The following CD226 variants were observed in gnomAD, a reference collection of about 807,000 sequenced individuals.
CD226 encodes the protein CD226 molecule.
CD226 carries 24 observed loss-of-function variants against 34.9 expected under a neutral mutation model. The observed-to-expected ratio is 0.69, with a 90% CI of 0.50 to 0.97. The LOEUF is 0.97. Ranked by LOEUF, CD226 falls within the 50% of genes least tolerant of loss-of-function variation. CD226 has a pLI of 0.00. For missense variants in CD226, 397 were observed against 412.7 expected, an observed-to-expected ratio of 0.96 and a Z score of 0.33; for synonymous variants, 148 against 147.4, an observed-to-expected ratio of 1.00 and a Z score of -0.03.
chr18:69,913,360 A>G (rs1424253767), intron 2 of CD226, among the ~76,000 whole-genome samples: 15 of 152,234 alleles, frequency 9.9e-5, no homozygotes, highest in Non-Finnish European at 2.9e-5. Flanking sequence ...TGTTATTGTC[A>G]CAGAGCACAG....
At chr18:69,888,202 T>C (rs1043442312) in intron 3 of CD226, among the ~76,000 whole-genome samples, 2 of 152,226 alleles carry the variant, frequency 1.3e-5, no homozygotes, top group Admixed American at 1.3e-4. Context: ...TAAGTAATTT[T>C]CTACTTGCTT....
intron 2 of CD226, among the ~76,000 whole-genome samples, chr18:69,937,177 T>C (rs184785028): frequency 7.5e-4 from 114 of 152,354 alleles, no homozygotes; most frequent in African/African-American, 2.5e-3. Context: ...AAGCCATGAA[T>C]TGTAAACCGG....
At chr18:69,903,028 G>T (rs2055207213) in intron 2 of CD226, among the ~76,000 whole-genome samples, 1 of 152,064 alleles carries the variant, frequency 6.6e-6, no homozygotes, top group African/African-American at 2.4e-5. Context: ...TCAAAAATAA[G>T]CAAGCAAAAG....
intron 2 of CD226, among the ~76,000 whole-genome samples, chr18:69,942,184 C>T (rs75123292): frequency 5.4e-4 from 83 of 152,336 alleles, no homozygotes; most frequent in Admixed American, 1.1e-3. Context: ...AGTATTTCTT[C>T]ACAGCAGTGT....
intron 4 of CD226, among the ~76,000 whole-genome samples, chr18:69,870,905 C>G (rs1215473892): frequency 6.6e-6 from 1 of 152,166 alleles, no homozygotes; most frequent in Non-Finnish European, 1.5e-5. Context: ...GAAGTAACAA[C>G]CACAAACTGA....
chr18:69,926,513 G>C (rs2055523821), intron 2 of CD226, among the ~76,000 whole-genome samples: 1 of 152,110 alleles, frequency 6.6e-6, no homozygotes, highest in South Asian at 2.1e-4. Context: ...ATAGGGAGGA[G>C]GGCAGGAGCT....
At chr18:69,945,996 C>A (rs2055784651) in intron 2 of CD226, among the ~76,000 whole-genome samples, 1 of 151,586 alleles carries the variant, frequency 6.6e-6, no homozygotes, top group Non-Finnish European at 1.5e-5. Flanking sequence ...GATTCAATTA[C>A]CTCCCACCAG....
intron 2 of CD226, among the ~76,000 whole-genome samples, chr18:69,897,878 ATGT>A (rs77712014): frequency 0.082 from 12,429 of 152,192 alleles, 705 homozygotes; most frequent in Non-Finnish European, 0.13. Flanking sequence ...ATGTGTCAAA[ATGT>A]TGTAAAAAGA....
chr18:69,878,171 T>C (rs1225527827), intron 3 of CD226, among the ~76,000 whole-genome samples: 2 of 152,238 alleles, frequency 1.3e-5, no homozygotes, highest in Non-Finnish European at 2.9e-5. Context: ...AGGAAGCCCT[T>C]TTCTTTAAAA....
At chr18:69,868,801 A>ACG (rs200490155) in intron 4 of CD226, among the ~76,000 whole-genome samples, 9 of 64,662 alleles carry the variant, frequency 1.4e-4, no homozygotes, top group Non-Finnish European at 1.9e-4. Context: ...GTGCGCGTGC[A>ACG]CGCACACACA....
chr18:69,958,567 A>G (rs2055913994), upstream of CD226, among the ~76,000 whole-genome samples: 1 of 152,146 alleles, frequency 6.6e-6, no homozygotes. Context: ...AGTGAACCTC[A>G]CACATCGGCT....
intron 2 of CD226, among the ~76,000 whole-genome samples, chr18:69,917,352 C>G (rs1871889656): frequency 6.6e-6 from 1 of 152,164 alleles, no homozygotes; most frequent in African/African-American, 2.4e-5. Context: ...TACACTCCAT[C>G]TCACGTCTGA....
chr18:69,867,784 G>T (rs1470375750), intron 4 of CD226, among the ~76,000 whole-genome samples: 2 of 152,084 alleles, frequency 1.3e-5, no homozygotes, highest in Non-Finnish European at 2.9e-5. Flanking sequence ...TGCCAGCAGT[G>T]TAACTTCTTG....
intron 1 of CD226, among the ~76,000 whole-genome samples, chr18:69,953,479 T>G (rs1441795516): frequency 6.6e-6 from 1 of 152,194 alleles, no homozygotes; most frequent in Non-Finnish European, 1.5e-5. Flanking sequence ...AAGGCCACAT[T>G]TTGTAAGAAT....
intron 2 of CD226, among the ~76,000 whole-genome samples, chr18:69,906,455 A>T (rs2055254313): frequency 6.6e-6 from 1 of 152,210 alleles, no homozygotes; most frequent in Non-Finnish European, 1.5e-5. Flanking sequence ...ATGAAATAGA[A>T]GCCATTTTCT....
At chr18:69,931,903 A>T (rs895146285) in intron 2 of CD226, among the ~76,000 whole-genome samples, 3 of 152,162 alleles carry the variant, frequency 2.0e-5, no homozygotes, top group Non-Finnish European at 4.4e-5. Context: ...TAAACAACAG[A>T]AACTTATTTT....
chr18:69,924,500 G>A (rs1312687601), intron 2 of CD226, among the ~76,000 whole-genome samples: 1 of 148,294 alleles, frequency 6.7e-6, no homozygotes, highest in Non-Finnish European at 1.5e-5. Flanking sequence ...GGTTAAAAAA[G>A]TAAAAGTATA....
chr18:69,952,318 T>A (rs890632660), upstream of CD226, among the ~76,000 whole-genome samples: 8 of 152,334 alleles, frequency 5.3e-5, no homozygotes, highest in South Asian at 2.1e-4. Flanking sequence ...TTACTTAATG[T>A]GTACAACATA....
At chr18:69,872,723 T>C (rs959050151) in intron 4 of CD226, among the ~76,000 whole-genome samples, 1 of 152,240 alleles carries the variant, frequency 6.6e-6, no homozygotes, top group African/African-American at 2.4e-5. Flanking sequence ...AGCTTCATTA[T>C]GTCTTGTTCA....
Sources: gnomAD v4.1 joint callset for allele counts (sites outside exome capture counted in the v4.1 genomes callset) on GRCh38, gnomAD v4.1.1 for gene constraint, MANE v1.5 for transcripts, NCBI Gene and HGNC (gene_info 2026-07-23, HGNC 2026-07-21) for gene names.